The following RBM28 variants were observed in gnomAD, a reference collection of about 807,000 sequenced individuals.
RBM28 encodes the protein RNA binding motif protein 28, also known as RNA-binding protein 28.
RBM28 carries 78 observed loss-of-function variants against 98.3 expected under a neutral mutation model. The observed-to-expected ratio is 0.79, with a 90% CI of 0.66 to 0.96. The LOEUF (loss-of-function observed/expected upper bound fraction) is 0.96. RBM28 is among the 40% of genes least tolerant of loss of function. The pLI, the probability that RBM28 is intolerant of heterozygous loss-of-function variation, is 0.00. For synonymous variants in RBM28, 306 were observed against 330.9 expected (o/e 0.92, Z 0.82); for missense variants, 838 against 913.0 (o/e 0.92, Z 1.06).
rs6972262 is a variant in RBM28, at chr7:128,305,847, T to C, written c.*4950A>G. On this transcript the variant is annotated 3_prime_UTR_variant, in exon 19 of 19. Coordinates refer to ENST00000223073, the MANE Select transcript of RBM28 (RefSeq NM_018077.3). ...GGGGTGGAAGAGTGACAGGAACTGA[T>C]ATTTTTTTAGCAGTTACTATGAGAG... The C allele has an allele frequency of 0.99, 150,866 of 152,452 alleles. 74,676 individuals carry two copies. Among genetic ancestry groups the C allele is most frequent in the Middle Eastern group, 1 (296 of 296 alleles). 9.4% of individuals were successfully genotyped at this position (152,452 alleles called of 1,614,324 possible).
chr7:128,320,922 T>C (rs555016341), intron 14 of RBM28, among the ~76,000 whole-genome samples: 3 of 152,282 alleles, frequency 2.0e-5, no homozygotes, highest in Non-Finnish European at 2.9e-5. Context: ...TCCTAGCACT[T>C]TGGGAGGCCG....
Position 128,324,701 on chromosome 7 carries a change from C to G in RBM28, c.1204-7G>C. 6.2e-7 allele frequency: 1 copy of G among 1,614,162 alleles called. No homozygotes were observed. The highest frequency in any genetic ancestry group is 1.1e-5 in the South Asian group (1 of 91,078). The stretch of plus-strand genomic sequence containing the variant: ...CCAGTTTAAGCCCACCAGCCTGTAA[C>G]AGATCACAACCCTTTCTTAAAACAC... On this transcript the variant is annotated splice_polypyrimidine_tract_variant and splice_region_variant and intron_variant, in intron 11 of 18. Coordinates refer to ENST00000223073, the MANE Select transcript of RBM28 (RefSeq NM_018077.3).
At position 128,321,272 on chromosome 7, in the gene RBM28, G is replaced by A. The variant is rs748109310; in HGVS notation, c.1557C>T (p.Ile519=). The part of the protein sequence containing the change: ...SATSGEKGVR[I]KECRVMRDLK... ...GGTCAGGGCCACGTCTCACCTCCTTGATGCGCACCCCTTTCTCTCCACTAG... is the reference window on the plus strand; with the variant it reads ...GGTCAGGGCCACGTCTCACCTCCTTAATGCGCACCCCTTTCTCTCCACTAG... Residue 519 remains isoleucine (I), a synonymous_variant, in exon 14 of 19, where the codon ATC becomes ATT. Coordinates refer to ENST00000223073, the MANE Select transcript of RBM28 (RefSeq NM_018077.3). 5.0e-6 allele frequency: 8 copies of A among 1,614,182 alleles called. No homozygotes were observed. The highest frequency in any genetic ancestry group is 6.8e-6 in the Non-Finnish European group (8 of 1,180,006).
chr7:128,343,766 G>C lies in RBM28; in HGVS notation c.28C>G (p.Arg10Gly). ...TCACTGCGGGCCGAGGGCGGGAGGCGGCCCACAAATAAGGTCAGGCCGGCC... is the reference window on the plus strand; with the variant it reads ...TCACTGCGGGCCGAGGGCGGGAGGCCGCCCACAAATAAGGTCAGGCCGGCC... The part of the protein sequence containing the change: MAGLTLFVG[R>G]LPPSARSEQL... The change falls in exon 1 of 19, where the codon CGC becomes GGC. Residue 10 changes from arginine to glycine, a missense_variant. Coordinates refer to ENST00000223073, the MANE Select transcript of RBM28 (RefSeq NM_018077.3). 6.2e-7 allele frequency: 1 copy of C among 1,609,186 alleles called. No homozygotes were observed. The highest frequency in any genetic ancestry group is 1.7e-4 in the Middle Eastern group (1 of 6,042).
Position 128,297,888 on chromosome 7 carries a change from C to G in RBM28, c.*12909G>C, listed in dbSNP as rs895715467. On this transcript the variant is annotated 3_prime_UTR_variant, in exon 19 of 19. Transcript: ENST00000223073. The stretch of plus-strand genomic sequence containing the variant: ...CATTCTCAGTAAACTATCGCAAGAA[C>G]AAAAAACCAAACACCGCATATTCTC... 5 of 146,622 alleles carry G rather than the reference C, an allele frequency of 3.4e-5. No homozygotes were observed. Among genetic ancestry groups the G allele is most frequent in the African/African-American group, 1.3e-4 (5 of 39,562 alleles). The allele number at this position is 146,622 out of a possible 1,614,324, so 9.1% of individuals were successfully genotyped here. A position where few individuals can be genotyped will look rare whatever the true frequency, so the allele number is the denominator to read the frequency against.
chr7:128,317,839 G>A, intron 15 of RBM28, 106 bp from the exon 16 acceptor site: 1 of 1,515,716 alleles, frequency 6.6e-7, no homozygotes, highest in East Asian at 2.3e-5. Context: ...CCTTTTTTTT[G>A]TCCACTTGCC....
chr7:128,342,080 GC>G (rs1415832738), intron 1 of RBM28, among the ~76,000 whole-genome samples: 4 of 151,840 alleles, frequency 2.6e-5, no homozygotes, highest in African/African-American at 9.7e-5. Flanking sequence ...GATTGCTTGA[GC>G]CCAGGAGTTT....
chr7:128,324,744 TG>T (rs1584646785), intron 11 of RBM28, 50 bp from the exon 12 acceptor site: 1 of 1,612,646 alleles, frequency 6.2e-7, no homozygotes, highest in Non-Finnish European at 8.5e-7. Flanking sequence ...CCGGGCACAG[TG>T]GCTCACACCT....
At chr7:128,314,340 T>C (rs1265355797) in intron 17 of RBM28, among the ~76,000 whole-genome samples, 1 of 152,206 alleles carries the variant, frequency 6.6e-6, no homozygotes, top group African/African-American at 2.4e-5. Flanking sequence ...ACACTGTCTC[T>C]AAAAATAAAA....
chr7:128,339,561 C>G, intron 2 of RBM28, 72 bp downstream of exon 2: 2 of 1,533,516 alleles, frequency 1.3e-6, no homozygotes, highest in Non-Finnish European at 1.8e-6. Context: ...ACCTCCATGC[C>G]TCCCTCTTTC....
At chr7:128,319,196 T>C (rs1162505661) in intron 14 of RBM28, among the ~76,000 whole-genome samples, 13 of 152,224 alleles carry the variant, frequency 8.5e-5, no homozygotes, top group Admixed American at 8.5e-4. Flanking sequence ...GTGTCCACTC[T>C]GTGCCTAGAA....
rs1795891383 is a variant in RBM28 at position 128,307,622 on chromosome 7, G to C, written c.*3175C>G. On this transcript the variant is annotated 3_prime_UTR_variant, in exon 19 of 19. Coordinates refer to ENST00000223073, the MANE Select transcript of RBM28 (RefSeq NM_018077.3). Reference sequence around the variant, plus strand: ...AGAAGGAACTGTACAGCTGAACAGAGCAGATTCTTAGAAACTACAAACTAA... The same window carrying C: ...AGAAGGAACTGTACAGCTGAACAGACCAGATTCTTAGAAACTACAAACTAA... The C allele has an allele frequency of 6.6e-6, 1 of 152,150 alleles. No homozygotes were observed. The highest frequency in any genetic ancestry group is 1.5e-5 in the Non-Finnish European group (1 of 68,040). 9.4% of individuals were successfully genotyped at this position (152,150 alleles called of 1,614,324 possible).
intron 17 of RBM28, among the ~76,000 whole-genome samples, chr7:128,314,038 C>T (rs1796049754): frequency 6.6e-6 from 1 of 152,124 alleles, no homozygotes; most frequent in Non-Finnish European, 1.5e-5. Context: ...TCTCGGCTCA[C>T]TGCAAGCTCC....
Position 128,314,943 on chromosome 7 carries a change from C to A in RBM28, c.1866G>T (p.Lys622Asn), listed in dbSNP as rs1796074717. ...QPEPAKDQQQ[K>N]AAQHHTEEQS... is the part of the protein sequence containing the mutation. Reference sequence around the variant, plus strand: ...GTTCCTCTGTGTGGTGTTGAGCTGCCTTCTGTTGCTGGTCTTTTGCAGGCT... The same window carrying A: ...GTTCCTCTGTGTGGTGTTGAGCTGCATTCTGTTGCTGGTCTTTTGCAGGCT... The change falls in exon 17 of 19, where the codon AAG (lysine) becomes AAT (asparagine). Residue 622 changes from lysine (K) to asparagine (N), a missense_variant. By Grantham distance (94) the Lys-to-Asn change is moderately conservative. Coordinates refer to ENST00000223073, the MANE Select transcript of RBM28 (RefSeq NM_018077.3). 1 of 1,614,196 alleles carries A rather than the reference C, an allele frequency of 6.2e-7. No individual in the cohort carries two copies. The highest frequency in any genetic ancestry group is 1.3e-5 in the African/African-American group (1 of 75,044).
chr7:128,342,681 T>C (rs1423331677), intron 1 of RBM28, among the ~76,000 whole-genome samples: 2 of 144,194 alleles, frequency 1.4e-5, no homozygotes, highest in Middle Eastern at 3.3e-3. Context: ...ACGCAGTCTT[T>C]AAAAAAAAAA....
In RBM28 at chr7:128,298,786, G is replaced by C. The variant is rs1483024191; in HGVS notation, c.*12011C>G. 6.6e-6 allele frequency: 1 copy of C among 152,164 alleles called. No individual in the cohort carries two copies. The highest frequency in any genetic ancestry group is 2.4e-5 in the African/African-American group (1 of 41,402). The allele number at this position is 152,164 out of a possible 1,614,324, so 9.4% of individuals were successfully genotyped here. A position where few individuals can be genotyped will look rare whatever the true frequency, so the allele number is the denominator to read the frequency against. On this transcript the variant is annotated 3_prime_UTR_variant, in exon 19 of 19. Coordinates refer to ENST00000223073, the MANE Select transcript of RBM28 (RefSeq NM_018077.3). ...GCACTTTGAGAGGCTAAGGTGGGTGGATCACTTGAGCTCAGGAGTTTGAGA... is the reference window on the plus strand; with the variant it reads ...GCACTTTGAGAGGCTAAGGTGGGTGCATCACTTGAGCTCAGGAGTTTGAGA...
At chr7:128,316,846 G>T (rs1235447917) in intron 16 of RBM28, among the ~76,000 whole-genome samples, 1 of 152,074 alleles carries the variant, frequency 6.6e-6, no homozygotes, top group Non-Finnish European at 1.5e-5. Flanking sequence ...TCCAACCTAG[G>T]GCCACTGCAT....
chr7:128,338,137 T>G, intron 5 of RBM28, 113 bp downstream of exon 5: 5 of 792,352 alleles, frequency 6.3e-6, no homozygotes, highest in Non-Finnish European at 1.1e-5. Flanking sequence ...GTATTAGCAA[T>G]GAGACTCTTA....
chr7:128,341,369 G>A, intron 1 of RBM28: 1 of 322,722 alleles, frequency 3.1e-6, no homozygotes, highest in South Asian at 2.6e-5. Flanking sequence ...AAATGTAAAA[G>A]AGTTTGACAC....
Sources: gnomAD v4.1 joint callset for allele counts (sites outside exome capture counted in the v4.1 genomes callset) on GRCh38, gnomAD v4.1.1 for gene constraint, MANE v1.5 for transcripts, NCBI Gene and HGNC (gene_info 2026-07-23, HGNC 2026-07-21) for gene names.